Variants in RASGRP3 observed in about 807,000 individuals in gnomAD.
RASGRP3 encodes RAS guanyl releasing protein 3.
Under a neutral mutation model 82.7 loss-of-function variants are expected in RASGRP3, and 54 were observed. The observed-to-expected ratio is 0.65, with a 90% CI of 0.52 to 0.82. The LOEUF is 0.82. Among genes scored for constraint, RASGRP3 ranks in the 40% least tolerant of loss-of-function variants. RASGRP3 has a pLI of 0.00. For missense variants in RASGRP3, 861 were observed against 828.9 expected (o/e 1.04, Z -0.48); for synonymous variants, 309 against 300.5 (o/e 1.03, Z -0.29).
In RASGRP3 at chr2:33,467,978, CTTTT is replaced by C. The variant is rs1270234762; in HGVS notation, c.-261+20037_-261+20040del. Reference sequence around the variant, plus strand: ...CTGGTTTTTCTAATGGATGGTGAGGCTTTTTCTTTCTTTCTTTCTTTCTTTCTTT... The same window carrying C: ...CTGGTTTTTCTAATGGATGGTGAGGCTCTTTCTTTCTTTCTTTCTTTCTTT... On this transcript the variant is annotated intron_variant, in intron 2 of 18. Coordinates refer to the RASGRP3 transcript ENST00000402538. 9.7e-3 allele frequency among the ~76,000 whole-genome samples: 1,367 copies of C among 140,894 alleles called. 20 individuals are homozygous for C. The highest frequency in any genetic ancestry group is 0.029 in the African/African-American group (1,066 of 36,878). 92.4% of individuals were successfully genotyped at this position (140,894 alleles called of 152,430 possible).
At chr2:33,549,419 A>T (rs1013044578) in intron 13 of RASGRP3, among the ~76,000 whole-genome samples, 185 bp from the exon 14 acceptor site, 14 of 152,178 alleles carry the variant, frequency 9.2e-5, no homozygotes, top group Non-Finnish European at 1.9e-4. Flanking sequence ...CTGCTTACTG[A>T]AAAAGGCTTT....
chr2:33,492,675 A>G (rs1036605059), intron 1 of RASGRP3, among the ~76,000 whole-genome samples: 1 of 152,206 alleles, frequency 6.6e-6, no homozygotes, highest in African/African-American at 2.4e-5. Context: ...CAAGCCAGAA[A>G]GAGAGTCCTC....
chr2:33,477,351 C>T (rs1431273198), intron 1 of RASGRP3, among the ~76,000 whole-genome samples: 3 of 152,150 alleles, frequency 2.0e-5, no homozygotes, highest in Non-Finnish European at 2.9e-5. Flanking sequence ...TTTTTCCCCC[C>T]AACAAGCTAA....
chr2:33,525,104 A>G (rs955675193), intron 9 of RASGRP3, among the ~76,000 whole-genome samples: 4 of 151,652 alleles, frequency 2.6e-5, no homozygotes, highest in Admixed American at 6.6e-5. Flanking sequence ...CCAAAAAAAA[A>G]AAAAAAAACT....
chr2:33,467,974 G>A (rs1666797601), intron 2 of RASGRP3, among the ~76,000 whole-genome samples: 1 of 148,778 alleles, frequency 6.7e-6, no homozygotes, highest in Non-Finnish European at 1.5e-5. Flanking sequence ...AATGGATGGT[G>A]AGGCTTTTTC....
At chr2:33,493,935 A>T (rs1669080673) in intron 1 of RASGRP3, among the ~76,000 whole-genome samples, 3 of 152,094 alleles carry the variant, frequency 2.0e-5, no homozygotes, top group Admixed American at 1.3e-4. Context: ...GTGTCAGAAG[A>T]CCCAGATGTT....
chr2:33,500,607 C>G (rs1157307595), intron 1 of RASGRP3, among the ~76,000 whole-genome samples: 2 of 151,918 alleles, frequency 1.3e-5, no homozygotes, highest in Non-Finnish European at 2.9e-5. Flanking sequence ...AGCCATAGAC[C>G]AAGGAAGGAA....
At chr2:33,473,638 G>T (rs574962189), upstream of RASGRP3, among the ~76,000 whole-genome samples, 1 of 152,126 alleles carries the variant, frequency 6.6e-6, no homozygotes, top group Admixed American at 6.5e-5. Flanking sequence ...AGAAAGATGG[G>T]ATCTCCCCCA....
chr2:33,555,713 A>C (rs1675876094), intron 15 of RASGRP3, 146 bp downstream of exon 15: 1 of 702,832 alleles, frequency 1.4e-6, no homozygotes. Flanking sequence ...ATTGCCTCTG[A>C]GGAGGAGTTT....
intron 15 of RASGRP3, among the ~76,000 whole-genome samples, chr2:33,557,237 TC>T (rs1676083101): frequency 6.6e-6 from 1 of 152,184 alleles, no homozygotes; most frequent in Non-Finnish European, 1.5e-5. Flanking sequence ...TAATTAACAT[TC>T]TACTGTCTTA....
chr2:33,493,951 A>G (rs1669081520), intron 1 of RASGRP3, among the ~76,000 whole-genome samples: 1 of 152,166 alleles, frequency 6.6e-6, no homozygotes, highest in Non-Finnish European at 1.5e-5. Flanking sequence ...ATGTTTTTAA[A>G]GCAAATGCAT....
intron 1 of RASGRP3, among the ~76,000 whole-genome samples, chr2:33,509,232 T>A (rs1037428674): frequency 1.3e-5 from 2 of 151,962 alleles, no homozygotes; most frequent in Non-Finnish European, 2.9e-5. Context: ...GAAATGTCCG[T>A]TTCTACTAAA....
intron 1 of RASGRP3, among the ~76,000 whole-genome samples, chr2:33,488,850 C>T (rs956389631): frequency 2.6e-5 from 4 of 152,094 alleles, no homozygotes; most frequent in African/African-American, 7.2e-5. Context: ...ATGAAGATAT[C>T]GAGTATTCAT....
At position 33,486,552 on chromosome 2, in the gene RASGRP3, G is replaced by T. The variant is rs181665589; in HGVS notation, c.-261+9845G>T. ...AGAATTTATCCCATAGGATTTTACT[G>T]TTTAGTTAAATAGACCAATATTTTT... On this transcript the variant is annotated intron_variant, in intron 1 of 17. Transcript: ENST00000403687. 1.8e-3 allele frequency among the ~76,000 whole-genome samples: 279 copies of T among 152,248 alleles called. 2 individuals are homozygous for T. Among genetic ancestry groups the T allele is most frequent in the African/African-American group, 6.4e-3 (266 of 41,540 alleles).
At chr2:33,542,592 C>G (rs546924238) in intron 12 of RASGRP3, among the ~76,000 whole-genome samples, 1 of 147,336 alleles carries the variant, frequency 6.8e-6, no homozygotes, top group South Asian at 2.2e-4. Context: ...AATTTCTACT[C>G]AACCCTGAGG....
intron 2 of RASGRP3, among the ~76,000 whole-genome samples, chr2:33,464,227 T>A (rs1289372286): frequency 1.3e-5 from 2 of 148,290 alleles, no homozygotes; most frequent in East Asian, 2.0e-4. Context: ...CAAGTGGTTC[T>A]CCTGTCTCAG....
At chr2:33,559,860 A>C (rs1442464942) in intron 17 of RASGRP3, among the ~76,000 whole-genome samples, 11 of 152,086 alleles carry the variant, frequency 7.2e-5, no homozygotes, top group African/African-American at 2.7e-4. Flanking sequence ...TCTTCAGGAG[A>C]CCTAAACACA....
chr2:33,491,087 A>G (rs1668801901), intron 1 of RASGRP3, among the ~76,000 whole-genome samples: 1 of 152,176 alleles, frequency 6.6e-6, no homozygotes, highest in Non-Finnish European at 1.5e-5. Context: ...AGGCCGAGGC[A>G]GGCGGATTGC....
chr2:33,516,320 A>G (rs1671463450), intron 3 of RASGRP3, among the ~76,000 whole-genome samples: 1 of 152,166 alleles, frequency 6.6e-6, no homozygotes, highest in African/African-American at 2.4e-5. Flanking sequence ...AAGCAGGAAA[A>G]TGTTTGAACC....
Sources: allele counts gnomAD v4.1 joint callset (sites outside exome capture counted in the v4.1 genomes callset), GRCh38; gene constraint gnomAD v4.1.1; transcripts MANE v1.5; gene names NCBI Gene and HGNC (gene_info 2026-07-23, HGNC 2026-07-21).